CSMD3: variants seen among roughly 807,000 people sequenced by gnomAD.
The protein encoded by CSMD3 is CUB and sushi domain-containing protein 3.
A neutral mutation model predicts 435.2 loss-of-function variants in CSMD3; 177 were observed. That is an observed-to-expected ratio of 0.41 (90% confidence interval 0.36 to 0.46). The LOEUF (loss-of-function observed/expected upper bound fraction) is 0.46, where lower values mean the gene tolerates loss of function less well. Among genes scored for constraint, CSMD3 ranks in the 20% least tolerant of loss-of-function variants. CSMD3 has a pLI of 0.34. For synonymous variants in CSMD3, 1,656 were observed against 1,520.5 expected (o/e 1.09, Z -2.07); for missense variants, 4,265 against 4,504.6 (o/e 0.95, Z 1.52).
intron 23 of CSMD3, among the ~76,000 whole-genome samples, chr8:112,580,953 G>A (rs1253494350): frequency 2.6e-5 from 4 of 152,012 alleles, no homozygotes; most frequent in Admixed American, 2.0e-4. Context: ...CAGCAAAAAG[G>A]TTGTTGAAAA....
intron 53 of CSMD3, among the ~76,000 whole-genome samples, chr8:112,296,352 C>T (rs1316879463): frequency 1.3e-5 from 2 of 151,864 alleles, no homozygotes. Flanking sequence ...GAGATTGAGA[C>T]CATCCTGGCT....
chr8:112,744,515 G>T (rs1341258222), intron 13 of CSMD3, among the ~76,000 whole-genome samples: 1 of 151,708 alleles, frequency 6.6e-6, no homozygotes, highest in Admixed American at 6.6e-5. Context: ...CTATTTTATA[G>T]ATTAAATGAT....
intron 13 of CSMD3, among the ~76,000 whole-genome samples, chr8:112,716,337 G>C (rs1587058938): frequency 6.6e-6 from 1 of 152,032 alleles, no homozygotes; most frequent in South Asian, 2.1e-4. Flanking sequence ...GCTACGAAGA[G>C]AATAAAATAC....
At chr8:113,076,150 C>A (rs1021788542) in intron 5 of CSMD3, among the ~76,000 whole-genome samples, 1 of 151,034 alleles carries the variant, frequency 6.6e-6, no homozygotes, top group Non-Finnish European at 1.5e-5. Context: ...ATAAGAGCAT[C>A]GGAATAAAAA....
intron 28 of CSMD3, among the ~76,000 whole-genome samples, chr8:112,507,177 T>C (rs73328679): frequency 0.056 from 8,571 of 152,002 alleles, 330 homozygotes; most frequent in East Asian, 0.15. Context: ...CCAGAAAAAA[T>C]CAGATCAAAG....
In CSMD3 at chr8:113,314,766, A is replaced by G. The variant is rs746490423; in HGVS notation, c.206T>C (p.Leu69Ser). 1.2e-6 allele frequency: 2 copies of G among 1,611,104 alleles called. No individual in the cohort carries two copies. Among genetic ancestry groups the G allele is most frequent in the Non-Finnish European group, 1.7e-6 (2 of 1,177,674 alleles). Residue 69 changes from leucine to serine, a missense_variant, in exon 2 of 71, where the codon TTA (leucine) becomes TCA (serine). By Grantham distance (145) the Leu-to-Ser change is moderately radical. Transcript: ENST00000297405. The stretch of plus-strand genomic sequence containing the variant: ...TTCTATAGTGCCATTAAGTCCTTTT[A>G]AAGTTCCACCACATGTATAAATAAA... Reference protein sequence around the residue: ...KGFIYTCGGTLKGLNGTIESP... With the variant: ...KGFIYTCGGTSKGLNGTIESP...
chr8:113,417,091 CTT>C (rs2094585053), intron 1 of CSMD3, among the ~76,000 whole-genome samples: 1 of 151,998 alleles, frequency 6.6e-6, no homozygotes, highest in South Asian at 2.1e-4. Flanking sequence ...AGTGAAGAAA[CTT>C]TAGACAGATA....
At chr8:113,307,037 G>A (rs2093826993) in intron 2 of CSMD3, among the ~76,000 whole-genome samples, 1 of 151,972 alleles carries the variant, frequency 6.6e-6, no homozygotes, top group South Asian at 2.1e-4. Flanking sequence ...ATAAAGTTCA[G>A]ATAATTTAGC....
intron 16 of CSMD3, among the ~76,000 whole-genome samples, chr8:112,672,405 G>A (rs1477136353): frequency 6.6e-6 from 1 of 152,072 alleles, no homozygotes; most frequent in Non-Finnish European, 1.5e-5. Context: ...ACTTTCAAAC[G>A]TTAGTGGCCA....
intron 3 of CSMD3, among the ~76,000 whole-genome samples, chr8:113,174,402 C>G (rs2131894712): frequency 6.6e-6 from 1 of 152,078 alleles, no homozygotes; most frequent in Non-Finnish European, 1.5e-5. Flanking sequence ...AGTAAATGGA[C>G]AATTTTTAAA....
chr8:112,820,912 T>C (rs1297077350), intron 12 of CSMD3, among the ~76,000 whole-genome samples: 1 of 152,196 alleles, frequency 6.6e-6, no homozygotes, highest in East Asian at 1.9e-4. Context: ...TGTTTGGTTT[T>C]CTGTTTCTTT....
chr8:112,266,572 C>A (rs1344857916), intron 59 of CSMD3, among the ~76,000 whole-genome samples: 1 of 152,180 alleles, frequency 6.6e-6, no homozygotes, highest in Non-Finnish European at 1.5e-5. Context: ...ACTCTAAGCA[C>A]AAGACTCTTC....
intron 5 of CSMD3, among the ~76,000 whole-genome samples, chr8:113,052,478 A>AG (rs1205168718): frequency 6.6e-6 from 1 of 152,202 alleles, no homozygotes; most frequent in Non-Finnish European, 1.5e-5. Context: ...AAAAGTTATT[A>AG]ATCAAGATAA....
intron 28 of CSMD3, among the ~76,000 whole-genome samples, chr8:112,507,655 T>C (rs764208344): frequency 7.2e-5 from 11 of 152,190 alleles, no homozygotes; most frequent in Non-Finnish European, 1.3e-4. Context: ...AGCATTCAGT[T>C]ATAAGGGAAA....
rs1038299430 is a variant in CSMD3, at chr8:112,546,868, C to G, written c.4564+3803G>C. On this transcript the variant is annotated intron_variant, in intron 27 of 70. Coordinates refer to ENST00000297405, the MANE Select transcript of CSMD3 (RefSeq NM_198123.2). The stretch of plus-strand genomic sequence containing the variant: ...GGATCATGAAATAAAAGTCATGAGG[C>G]TGCCGACAGTGGCTTGATGATTATC... Among the ~76,000 whole-genome samples the G allele has an allele frequency of 2.0e-5, 3 of 152,164 alleles. 1 individual carries two copies. The highest frequency in any genetic ancestry group is 4.4e-5 in the Non-Finnish European group (3 of 68,036).
chr8:113,436,657 G>T lies in CSMD3; in HGVS notation c.178+20C>A, dbSNP rs554238470. The T allele has an allele frequency of 1.2e-6, 2 of 1,613,214 alleles. No individual in the cohort carries two copies. Among genetic ancestry groups the T allele is most frequent in the East Asian group, 2.2e-5 (1 of 44,864 alleles). ...GCCCACCTCCATCCAAAGCGGAGGG[G>T]ACCCCCAAAGCAGACCTACCTTTCA... On this transcript the variant is annotated intron_variant, in intron 1 of 70. Transcript: ENST00000297405.
At chr8:113,033,927 G>A (rs1246145746) in intron 5 of CSMD3, among the ~76,000 whole-genome samples, 1 of 151,342 alleles carries the variant, frequency 6.6e-6, no homozygotes, top group African/African-American at 2.4e-5. Flanking sequence ...GAGTTCTCAG[G>A]AGATCTGATA....
intron 22 of CSMD3, among the ~76,000 whole-genome samples, chr8:112,619,031 T>C (rs1833865888): frequency 6.6e-6 from 1 of 152,098 alleles, no homozygotes; most frequent in Non-Finnish European, 1.5e-5. Context: ...ACAAAGGACA[T>C]TTGAATAGTG....
In CSMD3 at chr8:112,709,161, G is replaced by A. The variant is rs79056963; in HGVS notation, c.1973-19111C>T. 3.6e-3 allele frequency among the ~76,000 whole-genome samples: 552 copies of A among 151,992 alleles called. 8 individuals carry two copies. Among genetic ancestry groups the A allele is most frequent in the African/African-American group, 0.013 (528 of 41,466 alleles). ...CAAACACACACAAAAATAAATAACT[G>A]CAAAATACGTTTCATAGTAAAATAC... On this transcript the variant is annotated intron_variant, in intron 13 of 70. Coordinates refer to ENST00000297405, the MANE Select transcript of CSMD3 (RefSeq NM_198123.2).
Sources: allele counts gnomAD v4.1 joint callset (sites outside exome capture counted in the v4.1 genomes callset), GRCh38; gene constraint gnomAD v4.1.1; transcripts MANE v1.5; gene names NCBI Gene and HGNC (gene_info 2026-07-23, HGNC 2026-07-21).